Variants in ZNF208 observed in about 807,000 individuals in gnomAD.
The protein encoded by ZNF208 is zinc finger protein 208.
ZNF208 carries 10 observed loss-of-function variants against 12.1 expected under a neutral mutation model. The observed-to-expected ratio is 0.83, with a 90% CI of 0.51 to 1.40. ZNF208 has a LOEUF of 1.40. Ranked by LOEUF, ZNF208 falls within the 40% of genes most tolerant of loss-of-function variation. The probability of loss-of-function intolerance (pLI) is 0.00; values close to 1 mark genes in which losing one functional copy is unlikely to be tolerated. For synonymous variants in ZNF208, 497 were observed against 488.4 expected (o/e 1.02, Z -0.23); for missense variants, 1,652 against 1,485.0 (o/e 1.11, Z -1.85).
rs1970675319 is a variant in ZNF208 at position 21,988,929 on chromosome 19, A to G, written c.4-20T>C. 6.2e-7 allele frequency: 1 copy of G among 1,613,066 alleles called. No homozygotes were observed. Among genetic ancestry groups the G allele is most frequent in the Non-Finnish European group, 8.5e-7 (1 of 1,179,678 alleles). Reference sequence around the variant, plus strand: ...TGATCCCTGGAAAACACAAACACACATATTTATCAACTGGACATGGGCAGA... The same window carrying G: ...TGATCCCTGGAAAACACAAACACACGTATTTATCAACTGGACATGGGCAGA... On this transcript the variant is annotated intron_variant, in intron 1 of 3. Transcript: ENST00000397126.
Position 21,973,763 on chromosome 19 carries a change from G to C in ZNF208, c.1271C>G (p.Pro424Arg). The change falls in exon 4 of 4, where the codon CCC becomes CGC. Residue 424 changes from proline to arginine, a missense_variant. Around this residue, in one of 3 missense-constraint regions of ZNF208, gnomAD observed 1,239 missense variants for 1,086.2 expected, o/e 1.14. Transcript: ENST00000397126. ...TTTGCCACATTCTTCACATTTGTAG[G>C]GTTTCTCTCCAGTATGAATGACCTC... is the stretch of plus-strand genomic sequence containing the variant. ...KHEVIHTGEKPYKCEECGKAF... is the reference protein window; with the variant it reads ...KHEVIHTGEKRYKCEECGKAF... 6.2e-7 allele frequency: 1 copy of C among 1,605,996 alleles called. No individual in the cohort carries two copies. Among genetic ancestry groups the C allele is most frequent in the Non-Finnish European group, 8.5e-7 (1 of 1,173,718 alleles).
In ZNF208 at chr19:22,010,920, T is replaced by A; in HGVS notation, c.-126A>T. 5 of 1,407,724 alleles carry A rather than the reference T, an allele frequency of 3.6e-6. No homozygotes were observed. Among genetic ancestry groups the A allele is most frequent in the African/African-American group, 1.4e-5 (1 of 70,726 alleles). The allele number at this position is 1,407,724 out of a possible 1,614,324, so 87.2% of individuals were successfully genotyped here. On this transcript the variant is annotated 5_prime_UTR_variant, in exon 1 of 4. Coordinates refer to ENST00000397126, the MANE Select transcript of ZNF208 (RefSeq NM_007153.3). ...CAGCAGTAAGGACGAGACCTTGACCTCCGGCTGCAGCGAGAGACAAAGGAC... is the reference window on the plus strand; with the variant it reads ...CAGCAGTAAGGACGAGACCTTGACCACCGGCTGCAGCGAGAGACAAAGGAC...
chr19:22,005,534 T>G (rs1202896728), intron 1 of ZNF208, among the ~76,000 whole-genome samples: 1 of 152,122 alleles, frequency 6.6e-6, no homozygotes, highest in Non-Finnish European at 1.5e-5. Context: ...GTCTAACACT[T>G]GAATTCTGAC....
At chr19:21,989,058 T>C (rs2145568187) in intron 1 of ZNF208, 149 bp from the exon 2 acceptor site, 1 of 1,104,724 alleles carries the variant, frequency 9.1e-7, no homozygotes, top group South Asian at 1.7e-5. Flanking sequence ...AACACAAATA[T>C]TCTCTAACAT....
intron 1 of ZNF208, among the ~76,000 whole-genome samples, chr19:21,989,141 G>C (rs2145568326): frequency 6.6e-6 from 1 of 151,402 alleles, no homozygotes; most frequent in South Asian, 2.1e-4. Context: ...GAATGCGCAG[G>C]TTAATTACAT....
chr19:21,955,637 G>A (rs546977421), intron 4 of ZNF208, among the ~76,000 whole-genome samples: 3 of 152,204 alleles, frequency 2.0e-5, no homozygotes, highest in South Asian at 2.1e-4. Context: ...TGAAACTTAT[G>A]CATGTGTCAT....
rs560965977 is a variant in ZNF208 at position 22,007,346 on chromosome 19, C to T, written c.3+3446G>A. 4.6e-5 allele frequency among the ~76,000 whole-genome samples: 7 copies of T among 151,272 alleles called. No homozygotes were observed. In the South Asian group the frequency reaches 1.5e-3, roughly 32 times the overall value. On this transcript the variant is annotated intron_variant, in intron 1 of 3. Transcript: ENST00000397126. ...CATCCTGGCTAACACGGTGAAACCC[C>T]GTCTCTACTAAAAATACAAAAAAAT...
chr19:21,979,243 C>T (rs1970490569), intron 3 of ZNF208, among the ~76,000 whole-genome samples: 1 of 152,136 alleles, frequency 6.6e-6, no homozygotes, highest in Non-Finnish European at 1.5e-5. Context: ...CAAAGATGCT[C>T]CTCGAGAAGA....
At position 21,972,930 on chromosome 19, in the gene ZNF208, A is replaced by C. The variant is rs773909613; in HGVS notation, c.2104T>G (p.Phe702Val). The C allele has an allele frequency of 6.2e-7, 1 of 1,612,950 alleles. No individual in the cohort carries two copies. Among genetic ancestry groups the C allele is most frequent in the South Asian group, 1.1e-5 (1 of 90,980 alleles). Residue 702 changes from phenylalanine (F) to valine (V), a missense_variant, in exon 4 of 4, where the codon TTC becomes GTC. Physicochemically the swap from Phe to Val is conservative, Grantham distance 50 (BLOSUM62 -1). Transcript: ENST00000397126. The stretch of plus-strand genomic sequence containing the variant: ...TCCATAAGGTTTGAGGACCAGTTGA[A>C]AGCTTTGCCACATTCTTCACATTTG... ...PYKCEECGKA[F>V]NWSSNLMEHK...
chr19:21,991,525 G>C (rs926726039), intron 1 of ZNF208: 1 of 152,258 alleles, frequency 6.6e-6, no homozygotes. Context: ...CAGATCACCT[G>C]AGGTCGGGAG....
intron 3 of ZNF208, among the ~76,000 whole-genome samples, chr19:21,980,263 A>G (rs1970511871): frequency 6.7e-6 from 1 of 149,706 alleles, no homozygotes; most frequent in African/African-American, 2.5e-5. Context: ...ACAAATCAAC[A>G]GAATATACAT....
At chr19:21,978,089 A>G (rs943603674) in intron 3 of ZNF208, among the ~76,000 whole-genome samples, 1 of 152,194 alleles carries the variant, frequency 6.6e-6, no homozygotes, top group African/African-American at 2.4e-5. Context: ...GCATATAGAT[A>G]AAACGCCCAT....
intron 1 of ZNF208, chr19:21,997,629 G>C (rs1240334258): frequency 1.3e-5 from 2 of 156,238 alleles, no homozygotes; most frequent in Non-Finnish European, 2.8e-5. Flanking sequence ...ATTTGCCACA[G>C]CAGCACTCCA....
Position 21,968,564 on chromosome 19 carries a change from T to C in ZNF208, c.*2627A>G, listed in dbSNP as rs545577797. 1.3e-5 allele frequency: 2 copies of C among 152,300 alleles called. No homozygotes were observed. The highest frequency in any genetic ancestry group is 1.9e-4 in the East Asian group (1 of 5,186). The allele number at this position is 152,300 out of a possible 1,614,324, so 9.4% of individuals were successfully genotyped here. ...ACATTAATGTAGCAAAATAACTTTCTGATTTGCTTTTGAATTCAGTTTGCT... is the reference window on the plus strand; with the variant it reads ...ACATTAATGTAGCAAAATAACTTTCCGATTTGCTTTTGAATTCAGTTTGCT... On this transcript the variant is annotated 3_prime_UTR_variant, in exon 4 of 4. Transcript: ENST00000397126.
chr19:21,979,896 T>C (rs1251079860), intron 3 of ZNF208, among the ~76,000 whole-genome samples: 5 of 149,916 alleles, frequency 3.3e-5, no homozygotes, highest in Non-Finnish European at 6.0e-5. Context: ...ACCAAGCAAA[T>C]GGAAAGCAAA....
At chr19:22,003,041 G>T (rs1405075407) in intron 1 of ZNF208, among the ~76,000 whole-genome samples, 2 of 152,112 alleles carry the variant, frequency 1.3e-5, no homozygotes, top group African/African-American at 4.8e-5. Flanking sequence ...CAGAAATAAT[G>T]CCACACACCT....
rs201635385 is a variant in ZNF208, at chr19:21,988,763, C to G, written c.130+20G>C. The G allele has an allele frequency of 1.2e-6, 2 of 1,602,084 alleles. No homozygotes were observed. Among genetic ancestry groups the G allele is most frequent in the South Asian group, 1.1e-5 (1 of 90,580 alleles). On this transcript the variant is annotated intron_variant, in intron 2 of 3. Transcript: ENST00000397126. The stretch of plus-strand genomic sequence containing the variant: ...AACCTGTAGTGTATACTAGGAATTG[C>G]GTATTAAAGTTATTCTCACCCAGGA...
At chr19:21,988,752 A>G (rs1970669292) in intron 2 of ZNF208, 31 bp downstream of exon 2, 1 of 1,607,218 alleles carries the variant, frequency 6.2e-7, no homozygotes. Flanking sequence ...TGTAGTGTAT[A>G]CTAGGAATTG....
In ZNF208 at chr19:21,974,147, T is replaced by C; in HGVS notation, c.887A>G (p.Lys296Arg). ...KCEECGKAFS[K>R]VSTLTTHKAI... The stretch of plus-strand genomic sequence containing the variant: ...CTTATGTGTAGTAAGAGTCGAGACC[T>C]TACTAAAGGCTTTGCCACATTCTTC... The change falls in exon 4 of 4, where the codon AAG becomes AGG. Residue 296 changes from lysine (K) to arginine (R), a missense_variant. Around this residue, in one of 3 missense-constraint regions of ZNF208, gnomAD observed 410 missense variants for 378.2 expected, o/e 1.08. Transcript: ENST00000397126. The C allele has an allele frequency of 6.2e-7, 1 of 1,611,026 alleles. No individual in the cohort carries two copies. Among genetic ancestry groups the C allele is most frequent in the Non-Finnish European group, 8.5e-7 (1 of 1,178,744 alleles).
Sources: allele counts gnomAD v4.1 joint callset (sites outside exome capture counted in the v4.1 genomes callset), GRCh38; gene constraint gnomAD v4.1.1; regional missense constraint gnomAD v4.1.1; transcripts MANE v1.5; gene names NCBI Gene and HGNC (gene_info 2026-07-23, HGNC 2026-07-21).